FGF12: variants seen among roughly 807,000 people sequenced by gnomAD.
The protein encoded by FGF12 is fibroblast growth factor 12B.
In FGF12, 14 loss-of-function variants were observed where a neutral mutation model predicts 23.6. The observed-to-expected ratio is 0.59, with a 90% CI of 0.39 to 0.93. FGF12 has a LOEUF of 0.93. FGF12 is among the 40% of genes least tolerant of loss of function. FGF12 has a pLI of 0.00. For synonymous variants in FGF12, 62 were observed against 77.3 expected, an observed-to-expected ratio of 0.80 and a Z score of 1.04; for missense variants, 175 against 217.8, an observed-to-expected ratio of 0.80 and a Z score of 1.24.
At chr3:192,418,728 T>G (rs1035735167) in intron 2 of FGF12, among the ~76,000 whole-genome samples, 1 of 152,118 alleles carries the variant, frequency 6.6e-6, no homozygotes, top group East Asian at 1.9e-4. Flanking sequence ...CCCCCCTCAC[T>G]CTCTTGCTCT....
At chr3:192,488,364 C>T (rs901255160) in intron 2 of FGF12, among the ~76,000 whole-genome samples, 1 of 151,892 alleles carries the variant, frequency 6.6e-6, no homozygotes, top group African/African-American at 2.4e-5. Flanking sequence ...ATTGCTTAAC[C>T]CAGGTCTAAA....
At chr3:192,559,741 GTGTC>G (rs1711934621) in intron 2 of FGF12, among the ~76,000 whole-genome samples, 1 of 151,990 alleles carries the variant, frequency 6.6e-6, no homozygotes, top group African/African-American at 2.4e-5. Context: ...AATGGAGGTT[GTGTC>G]TGTCTGGGGA....
intron 2 of FGF12, among the ~76,000 whole-genome samples, chr3:192,463,034 A>G (rs1722907699): frequency 6.6e-6 from 1 of 152,186 alleles, no homozygotes; most frequent in African/African-American, 2.4e-5. Flanking sequence ...GTTATAATAA[A>G]TCCCCAGGTA....
At chr3:192,434,051 G>A (rs1008308531) in intron 2 of FGF12, among the ~76,000 whole-genome samples, 3 of 152,158 alleles carry the variant, frequency 2.0e-5, no homozygotes, top group African/African-American at 7.2e-5. Flanking sequence ...TGGCAATGAC[G>A]AATCCACCAC....
intron 2 of FGF12, among the ~76,000 whole-genome samples, chr3:192,654,222 G>A (rs1377999841): frequency 6.6e-6 from 1 of 152,156 alleles, no homozygotes; most frequent in African/African-American, 2.4e-5. Flanking sequence ...CAAGTAGGAG[G>A]GCTGGGAATA....
intron 4 of FGF12, among the ~76,000 whole-genome samples, chr3:192,254,462 G>T (rs1240293347): frequency 6.6e-6 from 1 of 150,842 alleles, no homozygotes; most frequent in Non-Finnish European, 1.5e-5. Flanking sequence ...AATAAAATAT[G>T]TATTCAATTT....
chr3:192,695,355 C>T (rs574317811), intron 2 of FGF12, among the ~76,000 whole-genome samples: 10 of 152,250 alleles, frequency 6.6e-5, no homozygotes, highest in African/African-American at 2.4e-4. Context: ...AATGCCACCT[C>T]CTAGATTAAG....
intron 2 of FGF12, among the ~76,000 whole-genome samples, chr3:192,418,829 C>T (rs1267824545): frequency 6.6e-6 from 1 of 152,196 alleles, no homozygotes; most frequent in Non-Finnish European, 1.5e-5. Flanking sequence ...GCTTCCTGTA[C>T]AGTCTGCAGA....
chr3:192,716,889 G>A (rs979816672), intron 2 of FGF12, among the ~76,000 whole-genome samples: 17 of 152,276 alleles, frequency 1.1e-4, no homozygotes, highest in African/African-American at 4.1e-4. Context: ...CCACACCACT[G>A]AGCTGCCCAG....
At chr3:192,598,369 C>G (rs982733094) in intron 2 of FGF12, among the ~76,000 whole-genome samples, 2 of 152,198 alleles carry the variant, frequency 1.3e-5, no homozygotes, top group African/African-American at 4.8e-5. Context: ...GCCTTACTAG[C>G]TGGCTGATAG....
intron 2 of FGF12, among the ~76,000 whole-genome samples, chr3:192,383,361 T>C (rs898797951): frequency 2.0e-5 from 3 of 152,050 alleles, no homozygotes; most frequent in African/African-American, 7.3e-5. Flanking sequence ...TGTGTACCCT[T>C]TATAATATTC....
chr3:192,532,528 T>C (rs1725118012), intron 2 of FGF12, among the ~76,000 whole-genome samples: 1 of 152,142 alleles, frequency 6.6e-6, no homozygotes, highest in Admixed American at 6.5e-5. Context: ...AGCAATTGAG[T>C]TCTTGATTTG....
chr3:192,665,627 G>A (rs1262285292), intron 2 of FGF12, among the ~76,000 whole-genome samples: 1 of 151,906 alleles, frequency 6.6e-6, no homozygotes, highest in Non-Finnish European at 1.5e-5. Flanking sequence ...CAAGGGGAGG[G>A]AGAGCATTAG....
At chr3:192,427,369 A>G in intron 2 of FGF12, among the ~76,000 whole-genome samples, 1 of 134,296 alleles carries the variant, frequency 7.4e-6, no homozygotes, top group Admixed American at 7.7e-5. Flanking sequence ...ACAGAGCAGG[A>G]CTCCGTCTCT....
chr3:192,674,271 T>C (rs1717242485), intron 2 of FGF12, among the ~76,000 whole-genome samples: 2 of 152,218 alleles, frequency 1.3e-5, no homozygotes, highest in Non-Finnish European at 2.9e-5. Context: ...CTGGCCACTG[T>C]AATCCACAAA....
rs186694887 is a variant in FGF12 at position 192,208,875 on chromosome 3, C to T, written c.229-38219G>A. On this transcript the variant is annotated intron_variant, in intron 4 of 5. Coordinates refer to ENST00000445105, the MANE Select transcript of FGF12 (RefSeq NM_004113.6). ...AGCTACTGTCTATAAGTGTCTCACT[C>T]GGCATAAAGTGTAGTATTAGTGTTC... 1.2e-4 allele frequency among the ~76,000 whole-genome samples: 18 copies of T among 152,272 alleles called. No individual in the cohort carries two copies. The East Asian group carries it at 2.1e-3, about 18-fold the overall frequency.
chr3:192,253,143 GT>G (rs1577284408), intron 4 of FGF12, among the ~76,000 whole-genome samples: 1 of 152,086 alleles, frequency 6.6e-6, no homozygotes, highest in African/African-American at 2.4e-5. Context: ...AGGAGATATG[GT>G]TTGATTTTGC....
rs981653704 is a variant in FGF12, at chr3:192,514,444, C to T, written c.14-153906G>A. On this transcript the variant is annotated intron_variant, in intron 2 of 5. Coordinates refer to ENST00000445105, the MANE Select transcript of FGF12 (RefSeq NM_004113.6). This position sits in a 1 kb window ranked among gnomAD's most constrained non-coding sequence, Gnocchi z 4.9. ...CCCAGGCGCGCCCGGCGAAAGCCAA[C>T]GCGCTCTCCCTACAAAGCGTCGATG... 5.9e-5 allele frequency among the ~76,000 whole-genome samples: 9 copies of T among 152,176 alleles called. No homozygotes were observed. The highest frequency in any genetic ancestry group is 1.3e-4 in the Non-Finnish European group (9 of 68,036).
intron 5 of FGF12, among the ~76,000 whole-genome samples, chr3:192,163,474 T>C (rs1714988107): frequency 6.6e-6 from 1 of 152,194 alleles, no homozygotes; most frequent in African/African-American, 2.4e-5. Flanking sequence ...GTCCAATATA[T>C]TGATCACAAT....
Sources: allele counts gnomAD v4.1 joint callset (sites outside exome capture counted in the v4.1 genomes callset), GRCh38; gene constraint gnomAD v4.1.1; non-coding constraint Gnocchi (gnomAD v3.1); transcripts MANE v1.5; gene names NCBI Gene and HGNC (gene_info 2026-07-23, HGNC 2026-07-21).